PM20D2: variants seen among roughly 807,000 people sequenced by gnomAD.
PM20D2 encodes xaa-Arg dipeptidase.
PM20D2 carries 33 observed loss-of-function variants against 42.9 expected under a neutral mutation model. That is an observed-to-expected ratio of 0.77 (90% CI 0.58 to 1.03). The LOEUF (loss-of-function observed/expected upper bound fraction) is 1.03, where lower values mean the gene tolerates loss of function less well. Among genes scored for constraint, PM20D2 ranks in the 50% least tolerant of loss-of-function variants. PM20D2 has a pLI of 0.00. For missense variants in PM20D2, 548 were observed against 557.0 expected, an observed-to-expected ratio of 0.98 and a Z score of 0.16; for synonymous variants, 250 against 228.2, an observed-to-expected ratio of 1.10 and a Z score of -0.86.
the PM20D2 span, among the ~76,000 whole-genome samples, chr6:89,140,889 G>A: frequency 1.3e-5 from 2 of 152,178 alleles, no homozygotes; most frequent in African/African-American, 4.8e-5. Context: ...ACTTGAAAAC[G>A]AGTTGTAATA....
At chr6:89,124,736 G>GTTGTTTTTTTTTTT in the PM20D2 span, among the ~76,000 whole-genome samples, 1 of 108,436 alleles carries the variant, frequency 9.2e-6, no homozygotes, top group African/African-American at 3.5e-5. Context: ...TGCTGTTGTT[G>GTTGTTTTTTTTTTT]TTTTTTTTTT....
At chr6:89,106,501 G>C in the PM20D2 span, among the ~76,000 whole-genome samples, 1 of 152,098 alleles carries the variant, frequency 6.6e-6, no homozygotes, top group African/African-American at 2.4e-5. Flanking sequence ...ATACTGGTTT[G>C]TAATATCCCA....
At chr6:89,125,708 A>C in the PM20D2 span, among the ~76,000 whole-genome samples, 1 of 151,090 alleles carries the variant, frequency 6.6e-6, no homozygotes, top group African/African-American at 2.4e-5. Context: ...TCTTGAGCCC[A>C]GTAGGCGGAC....
At chr6:89,150,711 C>T (rs544197459) in intron 2 of PM20D2, among the ~76,000 whole-genome samples, 19 of 151,026 alleles carry the variant, frequency 1.3e-4, no homozygotes, top group Admixed American at 1.3e-3. Flanking sequence ...AGCTAATTTT[C>T]ATATTTTTAG....
intron 4 of PM20D2, among the ~76,000 whole-genome samples, chr6:89,155,258 C>CTTTTT (rs34776724): frequency 1.9e-4 from 11 of 58,922 alleles, no homozygotes; most frequent in Non-Finnish European, 2.8e-4. Context: ...TCAGCAAAAG[C>CTTTTT]TTTTTTTTTT....
intron 1 of PM20D2, among the ~76,000 whole-genome samples, chr6:89,148,293 C>A (rs1164875100): frequency 6.6e-6 from 1 of 152,102 alleles, no homozygotes; most frequent in Non-Finnish European, 1.5e-5. Context: ...CTTCTAACTT[C>A]AAATGGTTGT....
intron 2 of PM20D2, among the ~76,000 whole-genome samples, chr6:89,152,120 C>G (rs1305373319): frequency 6.6e-6 from 1 of 151,812 alleles, no homozygotes; most frequent in Admixed American, 6.6e-5. Flanking sequence ...ATTTCAAGGT[C>G]ATGGTGATAA....
the PM20D2 span, chr6:89,117,955 T>G: frequency 2.0e-6 from 3 of 1,483,168 alleles, no homozygotes; most frequent in Non-Finnish European, 2.7e-6. Flanking sequence ...CCGCTACCGC[T>G]GCTACCACCA....
chr6:89,142,941 C>T (rs777831312), upstream of PM20D2, among the ~76,000 whole-genome samples: 10 of 152,112 alleles, frequency 6.6e-5, no homozygotes, highest in African/African-American at 9.6e-5. Flanking sequence ...TACAGGTGTG[C>T]GCCACCGCGC....
chr6:89,122,108 A>T, the PM20D2 span, among the ~76,000 whole-genome samples: 1 of 152,222 alleles, frequency 6.6e-6, no homozygotes, highest in Admixed American at 6.5e-5. Context: ...TTTACTCCTG[A>T]ATCCTGTCTT....
At chr6:89,109,887 C>T in the PM20D2 span, among the ~76,000 whole-genome samples, 1 of 152,112 alleles carries the variant, frequency 6.6e-6, no homozygotes, top group Non-Finnish European at 1.5e-5. Flanking sequence ...GTCAGGAGAT[C>T]GAGACCATCT....
chr6:89,151,605 A>G (rs1259471808), intron 2 of PM20D2, among the ~76,000 whole-genome samples: 1 of 152,202 alleles, frequency 6.6e-6, no homozygotes, highest in East Asian at 1.9e-4. Flanking sequence ...AGAGGTATGT[A>G]TCCTTTTCAG....
the PM20D2 span, among the ~76,000 whole-genome samples, chr6:89,115,744 A>C: frequency 2.1e-5 from 3 of 143,640 alleles, no homozygotes; most frequent in African/African-American, 7.9e-5. Context: ...TCACACCATT[A>C]TCCTGCCTCA....
rs971908669 is a variant in PM20D2, at chr6:89,146,913, T to A, written c.465+304T>A. ...AGAACTTACACCCAAGCCTGGTGTT[T>A]GTTACGGGTTATTTTTGGTAACTGA... On this transcript the variant is annotated intron_variant, in intron 1 of 6. Transcript: ENST00000275072. 2.6e-5 allele frequency among the ~76,000 whole-genome samples: 4 copies of A among 152,250 alleles called. No homozygotes were observed. In the South Asian group the frequency reaches 8.3e-4, roughly 31 times the overall value.
At chr6:89,156,202 A>G (rs915910367) in intron 4 of PM20D2, among the ~76,000 whole-genome samples, 10 of 152,186 alleles carry the variant, frequency 6.6e-5, no homozygotes, top group Non-Finnish European at 1.0e-4. Context: ...GATTTGAACT[A>G]TAAAGTTAGT....
the PM20D2 span, among the ~76,000 whole-genome samples, chr6:89,136,404 G>A: frequency 4.0e-5 from 6 of 151,234 alleles, 1 homozygote; most frequent in East Asian, 1.9e-4. Context: ...GAGGCCGGGC[G>A]CAGTGGCTCA....
chr6:89,115,405 C>A, the PM20D2 span, among the ~76,000 whole-genome samples: 3 of 152,050 alleles, frequency 2.0e-5, no homozygotes, highest in Non-Finnish European at 4.4e-5. Context: ...GCCTCAGTCT[C>A]CTGAGTAGCT....
At chr6:89,098,413 G>A in the PM20D2 span, 1 of 866,180 alleles carries the variant, frequency 1.2e-6, no homozygotes, top group Non-Finnish European at 1.6e-6. Context: ...TTTAAATGGA[G>A]ACCAAATTTT....
At chr6:89,155,385 T>C (rs1771008809) in intron 4 of PM20D2, among the ~76,000 whole-genome samples, 1 of 145,372 alleles carries the variant, frequency 6.9e-6, no homozygotes, top group Non-Finnish European at 1.5e-5. Flanking sequence ...AGCAATCCTC[T>C]CACCTCTGCC....
Sources: gnomAD v4.1 joint callset for allele counts (sites outside exome capture counted in the v4.1 genomes callset) on GRCh38, gnomAD v4.1.1 for gene constraint, MANE v1.5 for transcripts, NCBI Gene and HGNC (gene_info 2026-07-23, HGNC 2026-07-21) for gene names.